Variants in NFYC observed in about 807,000 individuals in gnomAD.
NFYC encodes the protein CAAT box DNA-binding protein subunit C.
NFYC carries 25 observed loss-of-function variants against 53.1 expected under a neutral mutation model. The observed-to-expected ratio is 0.47, with a 90% CI of 0.34 to 0.66. The LOEUF (loss-of-function observed/expected upper bound fraction) is 0.66. NFYC is among the 30% of genes least tolerant of loss of function. NFYC has a pLI of 0.01. For missense variants in NFYC, 260 were observed against 422.7 expected (o/e 0.62, Z 3.38); for synonymous variants, 145 against 152.6 (o/e 0.95, Z 0.37).
At chr1:40,769,824 G>C (rs769220142) in intron 9 of NFYC, among the ~76,000 whole-genome samples, 3 of 152,184 alleles carry the variant, frequency 2.0e-5, no homozygotes, top group African/African-American at 7.2e-5. Flanking sequence ...CAGAGAACAC[G>C]TGACCTCTTG....
chr1:40,719,440 T>C (rs370564545), intron 1 of NFYC, among the ~76,000 whole-genome samples: 2 of 152,206 alleles, frequency 1.3e-5, no homozygotes, highest in African/African-American at 4.8e-5. Context: ...TTCTGAATTA[T>C]AGAGAAAGGA....
intron 7 of NFYC, 32 bp downstream of exon 7, chr1:40,763,078 C>G (rs370786485): frequency 1.2e-5 from 19 of 1,525,054 alleles, no homozygotes; most frequent in Non-Finnish European, 1.7e-5. Context: ...GTCTTTACAA[C>G]TTTATAGAAG....
At position 40,752,607 on chromosome 1, in the gene NFYC, C is replaced by A. The variant is rs190167639; in HGVS notation, c.292-544C>A. On this transcript the variant is annotated intron_variant, in intron 4 of 9. Transcript: ENST00000447388. ...ATGTTTTTTATTTGGGAATTCAGAA[C>A]TGCAATGATAAACCCATGGTTTAAG... is the stretch of plus-strand genomic sequence containing the variant. Among the ~76,000 whole-genome samples the A allele has an allele frequency of 1.8e-3, 276 of 152,066 alleles. 2 individuals are homozygous for A. Among genetic ancestry groups the A allele is most frequent in the African/African-American group, 6.2e-3 (257 of 41,498 alleles).
intron 1 of NFYC, among the ~76,000 whole-genome samples, chr1:40,700,707 A>G (rs941185544): frequency 4.6e-5 from 7 of 152,310 alleles, no homozygotes; most frequent in Non-Finnish European, 8.8e-5. Context: ...CTTGAATTCA[A>G]AAAAATTTGT....
chr1:40,766,603 T>A lies in NFYC; in HGVS notation c.728T>A (p.Leu243Gln). ...TCTCTGCCCCTGCCCTAGGTGCAGC[T>A]GAATGCCGGCCAGCTGCAGTATATC... ...TGEIQQIPVQ[L>Q]NAGQLQYIRL... The change falls in exon 8 of 10, where the codon CTG becomes CAG. Residue 243 changes from leucine to glutamine, a missense_variant. Leu to Gln is a moderately radical substitution (Grantham distance 113). Transcript: ENST00000447388. 1 of 1,613,834 alleles carries A rather than the reference T, an allele frequency of 6.2e-7. No individual in the cohort carries two copies. The highest frequency in any genetic ancestry group is 1.1e-5 in the South Asian group (1 of 91,060).
At chr1:40,714,602 C>T (rs1287741204) in intron 1 of NFYC, among the ~76,000 whole-genome samples, 2 of 152,050 alleles carry the variant, frequency 1.3e-5, no homozygotes, top group Non-Finnish European at 2.9e-5. Context: ...TCTACATTTC[C>T]CAGAAGTTTA....
chr1:40,730,502 A>G (rs1024169416), intron 1 of NFYC: 25 of 953,368 alleles, frequency 2.6e-5, no homozygotes, highest in Non-Finnish European at 2.9e-5. Flanking sequence ...TGTGAAGCAC[A>G]ATAAAGTGAA....
intron 1 of NFYC, among the ~76,000 whole-genome samples, chr1:40,718,651 C>T (rs1478369897): frequency 2.0e-5 from 3 of 152,182 alleles, no homozygotes; most frequent in Non-Finnish European, 4.4e-5. Context: ...TGGAAATTGT[C>T]TTTAATGAAT....
intron 1 of NFYC, chr1:40,692,240 T>C: frequency 6.2e-6 from 1 of 160,064 alleles, no homozygotes; most frequent in South Asian, 1.2e-4. Context: ...GCGCGCGTCT[T>C]GGGCTAGGGC....
chr1:40,694,973 C>T (rs1643045193), intron 1 of NFYC, among the ~76,000 whole-genome samples: 1 of 152,222 alleles, frequency 6.6e-6, no homozygotes, highest in Non-Finnish European at 1.5e-5. Context: ...CTACTAGAGA[C>T]TGGGCGCAGT....
intron 6 of NFYC, among the ~76,000 whole-genome samples, chr1:40,762,548 G>A (rs577017069): frequency 1.8e-4 from 27 of 152,250 alleles, no homozygotes; most frequent in African/African-American, 6.3e-4. Flanking sequence ...GAAGTAAACG[G>A]TCATGGTTGC....
In NFYC at chr1:40,770,328, C is replaced by CA; in HGVS notation, c.889-379dup. 30 of 1,434,714 alleles carry CA rather than the reference C, an allele frequency of 2.1e-5. No homozygotes were observed. The highest frequency in any genetic ancestry group is 2.8e-5 in the Non-Finnish European group (30 of 1,063,544). The allele number at this position is 1,434,714 out of a possible 1,614,324, so 88.9% of individuals were successfully genotyped here. ...TACTGCCCCTGCCAGTGTAGATTAC[C>CA]AAGAGTTGGGGAAATGCTGACTTCC... On this transcript the variant is annotated intron_variant, in intron 9 of 9. Coordinates refer to ENST00000447388, the MANE Select transcript of NFYC (RefSeq NM_014223.5). This position sits in a 1 kb window ranked among gnomAD's most constrained non-coding sequence, Gnocchi z 5.3.
At chr1:40,727,283 G>A (rs1644560278) in intron 1 of NFYC, among the ~76,000 whole-genome samples, 1 of 152,178 alleles carries the variant, frequency 6.6e-6, no homozygotes. Flanking sequence ...GAGTGCAGTA[G>A]CAAGATCTTG....
chr1:40,693,926 T>C (rs1185870730), intron 1 of NFYC, among the ~76,000 whole-genome samples: 2 of 152,230 alleles, frequency 1.3e-5, no homozygotes, highest in East Asian at 3.8e-4. Flanking sequence ...GAATATGGGT[T>C]CTTCAGCTAG....
chr1:40,767,031 GT>G, intron 8 of NFYC: 2 of 1,502,412 alleles, frequency 1.3e-6, no homozygotes, highest in Non-Finnish European at 1.8e-6. Context: ...TCGTCAGGCT[GT>G]TTCCATCTTT....
At chr1:40,709,648 G>A (rs1389473358) in intron 1 of NFYC, 1 of 152,198 alleles carries the variant, frequency 6.6e-6, no homozygotes, top group African/African-American at 2.4e-5. Flanking sequence ...GTGTTGAAAT[G>A]ATAGAAACTG....
At chr1:40,734,749 A>G (rs976035519) in intron 1 of NFYC, 2 of 152,226 alleles carry the variant, frequency 1.3e-5, no homozygotes, top group Non-Finnish European at 2.9e-5. Flanking sequence ...TTTGAATAAA[A>G]GTACTCACTT....
chr1:40,769,230 T>C (rs2148815756), intron 8 of NFYC, 126 bp from the exon 9 acceptor site: 1 of 880,558 alleles, frequency 1.1e-6, no homozygotes, highest in South Asian at 1.4e-5. Flanking sequence ...TTACTACCCA[T>C]TGAGCACCTG....
At chr1:40,769,127 A>G (rs1205207012) in intron 8 of NFYC, 1 of 517,218 alleles carries the variant, frequency 1.9e-6, no homozygotes, top group Non-Finnish European at 3.6e-6. Context: ...TGTGGGAACT[A>G]TCTATTATGT....
Sources: gnomAD v4.1 joint callset for allele counts (sites outside exome capture counted in the v4.1 genomes callset) on GRCh38, gnomAD v4.1.1 for gene constraint, Gnocchi (gnomAD v3.1) non-coding constraint, MANE v1.5 for transcripts, NCBI Gene and HGNC (gene_info 2026-07-23, HGNC 2026-07-21) for gene names.